The following GTF2A1L variants were observed in gnomAD, a reference collection of about 807,000 sequenced individuals.
GTF2A1L encodes general transcription factor IIA subunit 1 like.
A neutral mutation model predicts 49.7 loss-of-function variants in GTF2A1L; 48 were observed. That is an observed-to-expected ratio of 0.97 (90% CI 0.77 to 1.23). The LOEUF is 1.23. Ranked by LOEUF, GTF2A1L falls within the 50% of genes most tolerant of loss-of-function variation. The pLI, the probability that GTF2A1L is intolerant of heterozygous loss-of-function variation, is 0.00. For missense variants in GTF2A1L, 736 were observed against 564.8 expected (o/e 1.30, Z -3.07); for synonymous variants, 246 against 193.5 (o/e 1.27, Z -2.25).
chr2:48,647,115 T>G, intron 6 of GTF2A1L, 73 bp downstream of exon 6: 2 of 1,256,484 alleles, frequency 1.6e-6, no homozygotes, highest in Non-Finnish European at 2.1e-6. Flanking sequence ...CTGAATATTT[T>G]CAAGCTGTAA....
intron 6 of GTF2A1L, among the ~76,000 whole-genome samples, chr2:48,652,952 G>T (rs1040049306): frequency 6.6e-6 from 1 of 151,784 alleles, no homozygotes; most frequent in Admixed American, 6.6e-5. Flanking sequence ...AATTTAGGCC[G>T]GGCACGGTGG....
At chr2:48,648,703 C>T (rs543156668) in intron 6 of GTF2A1L, among the ~76,000 whole-genome samples, 1 of 152,186 alleles carries the variant, frequency 6.6e-6, no homozygotes, top group East Asian at 1.9e-4. Flanking sequence ...AAGCTTCTGG[C>T]ACCATAGTAA....
chr2:48,646,212 G>A (rs894239459), intron 5 of GTF2A1L, among the ~76,000 whole-genome samples: 4 of 151,714 alleles, frequency 2.6e-5, no homozygotes, highest in African/African-American at 9.7e-5. Flanking sequence ...AAGCAATTGT[G>A]GGAAAAGTCT....
In GTF2A1L at chr2:48,658,316, A is replaced by G. The variant is rs1007301973; in HGVS notation, c.978+11274A>G. 2.6e-5 allele frequency among the ~76,000 whole-genome samples: 4 copies of G among 152,192 alleles called. No homozygotes were observed. The South Asian group carries it at 6.2e-4, about 24-fold the overall frequency. The stretch of plus-strand genomic sequence containing the variant: ...TAGGAGTCCAGTTTCATTCTTCTGC[A>G]TATGGCTAGCCAGCTATCCCATCAC... On this transcript the variant is annotated intron_variant, in intron 6 of 8. Transcript: ENST00000403751.
intron 3 of GTF2A1L, among the ~76,000 whole-genome samples, chr2:48,629,834 A>G (rs542034139): frequency 6.9e-6 from 1 of 144,660 alleles, no homozygotes; most frequent in South Asian, 2.3e-4. Flanking sequence ...TCTTCTGCAT[A>G]TGGCTACCAG....
intron 5 of GTF2A1L, among the ~76,000 whole-genome samples, chr2:48,645,831 G>C (rs1316200641): frequency 6.6e-6 from 1 of 152,098 alleles, no homozygotes; most frequent in African/African-American, 2.4e-5. Context: ...TGTATTTTTA[G>C]TAGAGACAGG....
intron 6 of GTF2A1L, among the ~76,000 whole-genome samples, chr2:48,662,781 C>T (rs890912733): frequency 6.6e-6 from 1 of 151,100 alleles, no homozygotes; most frequent in African/African-American, 2.4e-5. Context: ...TTGCTTTTCT[C>T]TTGATGCTTT....
At chr2:48,678,563 G>A (rs1434896360) in intron 8 of GTF2A1L, among the ~76,000 whole-genome samples, 2 of 151,976 alleles carry the variant, frequency 1.3e-5, no homozygotes, top group Non-Finnish European at 2.9e-5. Flanking sequence ...ATAGTCACTT[G>A]CAGTTTACTT....
Position 48,646,526 on chromosome 2 carries a change from A to C in GTF2A1L, c.462A>C (p.Pro154=), listed in dbSNP as rs1209765756. ...GAAGAGCAGGTATTCTTCAGCATCC[A>C]ATTCAGCAAGTATTTCAACAGCTTG... ...TSGRAGILQH[P]IQQVFQQLGQ... Residue 154 remains proline (P), a synonymous_variant, in exon 6 of 9, where the codon CCA becomes CCC. Coordinates refer to ENST00000403751, the MANE Select transcript of GTF2A1L (RefSeq NM_006872.5). The C allele has an allele frequency of 2.5e-6, 4 of 1,614,072 alleles. No individual in the cohort carries two copies. The highest frequency in any genetic ancestry group is 3.4e-6 in the Non-Finnish European group (4 of 1,180,048).
At chr2:48,636,928 A>G (rs753976402) in intron 3 of GTF2A1L, among the ~76,000 whole-genome samples, 42 of 152,120 alleles carry the variant, frequency 2.8e-4, no homozygotes, top group Non-Finnish European at 1.9e-4. Flanking sequence ...AAATGATACT[A>G]TCAGTCATGA....
At chr2:48,656,979 C>A (rs1381665075) in intron 6 of GTF2A1L, among the ~76,000 whole-genome samples, 5 of 152,246 alleles carry the variant, frequency 3.3e-5, no homozygotes, top group South Asian at 2.1e-4. Flanking sequence ...GGTCTTGTTA[C>A]CCTTATGGAA....
chr2:48,653,920 C>CAAAAAAAAAAAAAAAAAAAAAAAAAAAAA (rs70946819), intron 6 of GTF2A1L, among the ~76,000 whole-genome samples: 1 of 108,652 alleles, frequency 9.2e-6, no homozygotes. Flanking sequence ...GACTGTGTCT[C>CAAAAAAAAAAAAAAAAAAAAAAAAAAAAA]AAAAAAAAAA....
intron 3 of GTF2A1L, among the ~76,000 whole-genome samples, chr2:48,641,540 T>C (rs1677198351): frequency 6.6e-6 from 1 of 152,208 alleles, no homozygotes; most frequent in South Asian, 2.1e-4. Flanking sequence ...AAGTTTGTGT[T>C]TTTATTAAAG....
intron 5 of GTF2A1L, among the ~76,000 whole-genome samples, chr2:48,645,563 A>G (rs1396565781): frequency 6.6e-6 from 1 of 152,166 alleles, no homozygotes; most frequent in Non-Finnish European, 1.5e-5. Flanking sequence ...TGCTTTTCCG[A>G]GCACCATCTC....
intron 3 of GTF2A1L, among the ~76,000 whole-genome samples, chr2:48,638,614 C>T (rs547954209): frequency 1.3e-5 from 2 of 152,222 alleles, no homozygotes; most frequent in South Asian, 2.1e-4. Flanking sequence ...CTACAGCCAA[C>T]ATTATACTGA....
chr2:48,622,924 C>G (rs574965841), intron 3 of GTF2A1L, among the ~76,000 whole-genome samples: 97 of 53,058 alleles, frequency 1.8e-3, no homozygotes, highest in African/African-American at 7.4e-3. Flanking sequence ...GGTAATATTA[C>G]CAGTGATTTA....
At chr2:48,660,517 A>T (rs1572756870) in intron 6 of GTF2A1L, among the ~76,000 whole-genome samples, 1 of 151,880 alleles carries the variant, frequency 6.6e-6, no homozygotes, top group Non-Finnish European at 1.5e-5. Flanking sequence ...TATTTCTAGG[A>T]CTTTGTTAAT....
chr2:48,664,315 GT>G lies in GTF2A1L; in HGVS notation c.979-5394del, dbSNP rs796623550. ...GATGGAAACAGTTTTCTTTAATGTAGTTTTTTTTTTTTTAAATCATGAGTTG... is the reference window on the plus strand; with the variant it reads ...GATGGAAACAGTTTTCTTTAATGTAGTTTTTTTTTTTTAAATCATGAGTTG... On this transcript the variant is annotated intron_variant, in intron 6 of 8. Transcript: ENST00000403751. Among the ~76,000 whole-genome samples, 480 of 142,544 alleles carry G rather than the reference GT, an allele frequency of 3.4e-3. 2 individuals carry two copies. The highest frequency in any genetic ancestry group is 4.5e-3 in the Admixed American group (64 of 14,228). The allele number at this position is 142,544 out of a possible 152,430, so 93.5% of individuals were successfully genotyped here.
chr2:48,650,740 T>C (rs1178510041), intron 6 of GTF2A1L, among the ~76,000 whole-genome samples: 5 of 152,208 alleles, frequency 3.3e-5, no homozygotes, highest in Non-Finnish European at 7.4e-5. Flanking sequence ...TATATTAAGA[T>C]ATATTTCATT....
Sources: gnomAD v4.1 joint callset for allele counts (sites outside exome capture counted in the v4.1 genomes callset) on GRCh38, gnomAD v4.1.1 for gene constraint, MANE v1.5 for transcripts, NCBI Gene and HGNC (gene_info 2026-07-23, HGNC 2026-07-21) for gene names.